USP7: variants seen among roughly 807,000 people sequenced by gnomAD.
The protein encoded by USP7 is ubiquitin specific peptidase 7.
A neutral mutation model predicts 162.9 loss-of-function variants in USP7; 9 were observed. The observed-to-expected ratio is 0.06, with a 90% CI of 0.03 to 0.10. The LOEUF is 0.10. USP7 is among the 10% of genes least tolerant of loss of function. The probability of loss-of-function intolerance (pLI) is 1.00; values close to 1 mark genes in which losing one functional copy is unlikely to be tolerated. For missense variants in USP7, 715 were observed against 1,373.7 expected, an observed-to-expected ratio of 0.52 and a Z score of 7.58; for synonymous variants, 562 against 475.9, an observed-to-expected ratio of 1.18 and a Z score of -2.35.
intron 18 of USP7, 44 bp downstream of exon 18, chr16:8,902,038 A>G (rs761309921): frequency 1.3e-6 from 2 of 1,510,394 alleles, no homozygotes; most frequent in Non-Finnish European, 1.8e-6. Flanking sequence ...CAGGAATCCA[A>G]CGCTACTGCT....
chr16:8,958,658 G>T (rs1899896943), intron 1 of USP7, among the ~76,000 whole-genome samples: 1 of 152,130 alleles, frequency 6.6e-6, no homozygotes, highest in African/African-American at 2.4e-5. Context: ...GACACTCAGG[G>T]ACCTGGTTTC....
chr16:8,932,897 GA>G (rs572423961), intron 1 of USP7, among the ~76,000 whole-genome samples: 67 of 146,570 alleles, frequency 4.6e-4, no homozygotes, highest in East Asian at 1.4e-3. Context: ...AACTGAATAG[GA>G]AAAAAAAACC....
chr16:8,906,283 A>G (rs924962852), intron 13 of USP7, 143 bp downstream of exon 13: 1 of 907,526 alleles, frequency 1.1e-6, no homozygotes, highest in Non-Finnish European at 1.6e-6. Context: ...AATGGATGGG[A>G]AAACAGCATT....
chr16:8,925,462 T>C (rs544499979), intron 2 of USP7, among the ~76,000 whole-genome samples: 3 of 152,324 alleles, frequency 2.0e-5, no homozygotes, highest in South Asian at 4.1e-4. Context: ...TTCAGCTCTT[T>C]ACAGGGTTTG....
Position 8,894,040 on chromosome 16 carries a change from A to G in USP7, c.3267T>C (p.Ser1089=). Residue 1089 remains serine (S), a synonymous_variant, in exon 31 of 31, where the codon AGT becomes AGC. Transcript: ENST00000344836. ...LDHFNKAPKR[S]RYTYLEKAIK... is the part of the protein sequence containing the mutation. ...TGGCCTTTTCAAGGTAAGTGTAGCG[A>G]CTCCTCTTTGGGGCTTTGTTGAAGT... 3.1e-6 allele frequency: 5 copies of G among 1,613,816 alleles called. No homozygotes were observed. Among genetic ancestry groups the G allele is most frequent in the Non-Finnish European group, 4.2e-6 (5 of 1,179,972 alleles).
At chr16:8,932,623 GAAA>G (rs1898428628) in intron 1 of USP7, among the ~76,000 whole-genome samples, 1 of 25,388 alleles carries the variant, frequency 3.9e-5, no homozygotes, top group Admixed American at 8.9e-4. Context: ...TTAAAAAAGA[GAAA>G]GAAAAGAAAA....
At position 8,963,207 on chromosome 16, in the gene USP7, CT is replaced by C; in HGVS notation, c.78del (p.Ala27ArgfsTer15). 1 of 1,417,980 alleles carries C rather than the reference CT, an allele frequency of 7.1e-7. No homozygotes were observed. 87.8% of individuals were successfully genotyped at this position (1,417,980 alleles called of 1,614,324 possible). A position where few individuals can be genotyped will look rare whatever the true frequency, so the allele number is the denominator to read the frequency against. On this transcript the variant is annotated frameshift_variant and splice_region_variant, in exon 1 of 31. Transcript: ENST00000344836. LOFTEE classifies it high-confidence loss of function. ...QLSEPEDMEM[E>X]AGDTDDPPRI... ...GCCGCGGCCGGCCCTCGGGCCTCAC[CT>C]TCCATCTCCATGTCCTCGGGCTCGC...
intron 30 of USP7, 27 bp downstream of exon 30, chr16:8,894,523 A>G: frequency 6.7e-7 from 1 of 1,494,900 alleles, no homozygotes; most frequent in Non-Finnish European, 9.0e-7. Flanking sequence ...AACCCACACC[A>G]GCCCCCGGGG....
chr16:8,939,279 A>T (rs1898921392), intron 1 of USP7, among the ~76,000 whole-genome samples: 1 of 151,998 alleles, frequency 6.6e-6, no homozygotes, highest in Non-Finnish European at 1.5e-5. Flanking sequence ...GTGCTCCCCC[A>T]TTATCCCCGG....
Position 8,894,124 on chromosome 16 carries a change from G to C in USP7, c.3203-20C>G, listed in dbSNP as rs372663824. On this transcript the variant is annotated intron_variant, in intron 30 of 30. Transcript: ENST00000344836. ...TATTACCTGGTGGGGATGAAGAAAA[G>C]CAAGTGAGGCCACAGAGCAGCCCTG... is the stretch of plus-strand genomic sequence containing the variant. The C allele has an allele frequency of 1.2e-6, 2 of 1,607,938 alleles. No individual in the cohort carries two copies. Among genetic ancestry groups the C allele is most frequent in the Non-Finnish European group, 1.7e-6 (2 of 1,174,378 alleles).
chr16:8,933,032 C>T (rs1222675355), intron 1 of USP7, among the ~76,000 whole-genome samples: 3 of 151,936 alleles, frequency 2.0e-5, no homozygotes, highest in Non-Finnish European at 2.9e-5. Context: ...CCTCTGCCTC[C>T]GGGGTGCCAG....
intron 16 of USP7, 128 bp downstream of exon 16, chr16:8,903,140 C>T: frequency 7.9e-7 from 1 of 1,266,020 alleles, no homozygotes; most frequent in Non-Finnish European, 1.1e-6. Flanking sequence ...CTGGGTCACA[C>T]TCCTCACTGT....
At chr16:8,894,944 C>A in intron 28 of USP7, 87 bp downstream of exon 28, 1 of 1,613,526 alleles carries the variant, frequency 6.2e-7, no homozygotes, top group Non-Finnish European at 8.5e-7. Flanking sequence ...AACGCCTAAC[C>A]CCAGCAGGAG....
At chr16:8,908,815 C>A (rs4985065) in intron 11 of USP7, among the ~76,000 whole-genome samples, 89,896 of 152,066 alleles carry the variant, frequency 0.59, 26,722 homozygotes, top group East Asian at 0.72. Flanking sequence ...ACAGAAAAAT[C>A]ATTAAATGGA....
intron 1 of USP7, among the ~76,000 whole-genome samples, chr16:8,936,245 C>A (rs577883808): frequency 6.6e-6 from 1 of 152,068 alleles, no homozygotes; most frequent in African/African-American, 2.4e-5. Flanking sequence ...ACGGCAGATA[C>A]GCATGGGCCA....
intron 1 of USP7, among the ~76,000 whole-genome samples, chr16:8,957,609 T>C (rs1015848366): frequency 1.3e-5 from 2 of 149,312 alleles, no homozygotes. Context: ...AAAAAAAAAT[T>C]AGCCAAATGT....
At chr16:8,959,972 G>A (rs1478102490) in intron 1 of USP7, among the ~76,000 whole-genome samples, 2 of 152,174 alleles carry the variant, frequency 1.3e-5, no homozygotes, top group African/African-American at 2.4e-5. Context: ...TTGGGCAGAA[G>A]AACCACACCA....
intron 1 of USP7, among the ~76,000 whole-genome samples, chr16:8,952,153 G>C (rs985409060): frequency 2.6e-5 from 4 of 152,182 alleles, no homozygotes; most frequent in African/African-American, 9.7e-5. Flanking sequence ...GGGAGGCTGA[G>C]GTGGGAGGAC....
chr16:8,931,211 CAG>C (rs2141231956), intron 1 of USP7, among the ~76,000 whole-genome samples: 1 of 147,418 alleles, frequency 6.8e-6, no homozygotes, highest in African/African-American at 2.5e-5. Context: ...TTTTCTGAGA[CAG>C]AGTCTCGCTC....
Sources: allele counts gnomAD v4.1 joint callset (sites outside exome capture counted in the v4.1 genomes callset), GRCh38; gene constraint gnomAD v4.1.1; transcripts MANE v1.5; gene names NCBI Gene and HGNC (gene_info 2026-07-23, HGNC 2026-07-21).